NTM: variants seen among roughly 807,000 people sequenced by gnomAD.
NTM encodes the protein IgLON family member 2.
NTM carries 13 observed loss-of-function variants against 42.1 expected under a neutral mutation model. That is an observed-to-expected ratio of 0.31 (90% CI 0.20 to 0.49). NTM has a LOEUF of 0.49. Ranked by LOEUF, NTM falls within the 20% of genes least tolerant of loss-of-function variation. NTM has a pLI of 0.99. For missense variants in NTM, 373 were observed against 452.8 expected, an observed-to-expected ratio of 0.82 and a Z score of 1.60; for synonymous variants, 187 against 179.2, an observed-to-expected ratio of 1.04 and a Z score of -0.35.
chr11:131,879,240 G>C (rs1239520196), intron 1 of NTM, among the ~76,000 whole-genome samples: 2 of 152,258 alleles, frequency 1.3e-5, no homozygotes, highest in African/African-American at 2.4e-5. Context: ...GCCCATCCCA[G>C]GGGTGCATCT....
chr11:131,707,027 A>G (rs920329333), intron 1 of NTM, among the ~76,000 whole-genome samples: 2 of 151,992 alleles, frequency 1.3e-5, no homozygotes, highest in Admixed American at 1.3e-4. Flanking sequence ...ACTTCAAAAT[A>G]TACATTATTA....
At chr11:131,484,890 A>G (rs1444046808) in intron 1 of NTM, among the ~76,000 whole-genome samples, 1 of 152,254 alleles carries the variant, frequency 6.6e-6, no homozygotes, top group Non-Finnish European at 1.5e-5. Context: ...CAGAAATGGA[A>G]CATAAGCATT....
At chr11:131,795,566 C>T in intron 1 of NTM, 1 of 985,446 alleles carries the variant, frequency 1.0e-6, no homozygotes, top group Non-Finnish European at 1.2e-6. Flanking sequence ...ATGATGTTTG[C>T]ATAACGGGAG....
chr11:131,710,991 C>A (rs1222504061), intron 1 of NTM, among the ~76,000 whole-genome samples: 2 of 152,154 alleles, frequency 1.3e-5, no homozygotes, highest in African/African-American at 4.8e-5. Context: ...CTCCTTTTTA[C>A]CCCCTTCTTC....
intron 2 of NTM, among the ~76,000 whole-genome samples, chr11:132,050,385 G>A (rs1487472528): frequency 6.6e-6 from 1 of 152,148 alleles, no homozygotes; most frequent in Admixed American, 6.6e-5. Context: ...CCCCTACGAG[G>A]ATTTTCTTGC....
intron 1 of NTM, among the ~76,000 whole-genome samples, chr11:131,482,362 C>T (rs1953697186): frequency 6.6e-6 from 1 of 152,226 alleles, no homozygotes. Flanking sequence ...CTGAGCCCTG[C>T]TGATGAGAGC....
intron 4 of NTM, among the ~76,000 whole-genome samples, chr11:132,287,093 T>C (rs1165965503): frequency 2.6e-5 from 4 of 152,220 alleles, no homozygotes. Context: ...AGGCTGTCGA[T>C]GGCAGAGAAT....
chr11:132,092,291 T>G (rs1479854036), intron 2 of NTM, among the ~76,000 whole-genome samples: 1 of 152,234 alleles, frequency 6.6e-6, no homozygotes. Context: ...TTGTTGTCGC[T>G]TCTTTTTCAT....
chr11:132,276,672 C>T (rs1394036965), intron 4 of NTM, among the ~76,000 whole-genome samples: 1 of 152,114 alleles, frequency 6.6e-6, no homozygotes, highest in African/African-American at 2.4e-5. Context: ...AATGGGATTC[C>T]TTAGACAGCA....
intron 1 of NTM, among the ~76,000 whole-genome samples, chr11:131,874,930 T>G (rs1475357215): frequency 6.6e-6 from 1 of 152,316 alleles, no homozygotes; most frequent in Admixed American, 6.5e-5. Context: ...TAACTAACTA[T>G]GTAAAGAACA....
At chr11:131,813,577 T>C (rs2092826447) in intron 1 of NTM, among the ~76,000 whole-genome samples, 1 of 152,154 alleles carries the variant, frequency 6.6e-6, no homozygotes, top group Admixed American at 6.6e-5. Flanking sequence ...GGTTAAGACT[T>C]TTCCATAGGT....
At chr11:132,046,765 G>A (rs1490679406) in intron 2 of NTM, among the ~76,000 whole-genome samples, 2 of 152,154 alleles carry the variant, frequency 1.3e-5, no homozygotes, top group East Asian at 1.9e-4. Flanking sequence ...TTTGTGGTGA[G>A]GAACAGAGAT....
chr11:132,314,670 C>T lies in NTM; in HGVS notation c.901C>T (p.Leu301=). The part of the protein sequence containing the change: ...GNYTCVASNK[L]GHTNASIMLF... ...CTACACTTGCGTGGCCTCCAACAAGCTGGGCCACACCAATGCCAGCATCAT... is the reference window on the plus strand; with the variant it reads ...CTACACTTGCGTGGCCTCCAACAAGTTGGGCCACACCAATGCCAGCATCAT... Residue 301 remains leucine (L), a synonymous_variant, in exon 7 of 9, where the codon CTG becomes TTG. Coordinates refer to ENST00000683400, the MANE Select transcript of NTM (RefSeq NM_001352005.2). 3 of 1,613,714 alleles carry T rather than the reference C, an allele frequency of 1.9e-6. No homozygotes were observed. The highest frequency in any genetic ancestry group is 1.3e-5 in the African/African-American group (1 of 75,038).
intron 1 of NTM, chr11:131,605,803 G>C: frequency 3.0e-6 from 3 of 985,130 alleles, no homozygotes; most frequent in Non-Finnish European, 3.6e-6. Flanking sequence ...AGCTTCAACA[G>C]TTCCTTGGTA....
At chr11:132,140,988 C>T (rs1308453210) in intron 2 of NTM, 2 of 152,212 alleles carry the variant, frequency 1.3e-5, no homozygotes. Flanking sequence ...GCCTTTCAGA[C>T]ACAGTTAAAG....
chr11:131,857,438 C>A (rs1251022742), intron 1 of NTM, among the ~76,000 whole-genome samples: 1 of 152,152 alleles, frequency 6.6e-6, no homozygotes, highest in Non-Finnish European at 1.5e-5. Flanking sequence ...ATTCAGTGGC[C>A]CTCAATGAGT....
At chr11:131,873,599 CATAT>C (rs567322783) in intron 1 of NTM, among the ~76,000 whole-genome samples, 1 of 100,628 alleles carries the variant, frequency 9.9e-6, no homozygotes, top group African/African-American at 4.0e-5. Flanking sequence ...TATATATATA[CATAT>C]ATATATACCG....
chr11:131,605,952 C>G, intron 1 of NTM: 1 of 890,026 alleles, frequency 1.1e-6, no homozygotes, highest in South Asian at 5.2e-5. Flanking sequence ...TGTAAATATT[C>G]TTTCACTATT....
chr11:132,272,993 A>G (rs1454854578), intron 4 of NTM, among the ~76,000 whole-genome samples: 3 of 152,016 alleles, frequency 2.0e-5, no homozygotes, highest in Non-Finnish European at 4.4e-5. Context: ...TGTTAGCTTT[A>G]TGATTTTTGT....
Sources: gnomAD v4.1 joint callset for allele counts (sites outside exome capture counted in the v4.1 genomes callset) on GRCh38, gnomAD v4.1.1 for gene constraint, MANE v1.5 for transcripts, NCBI Gene and HGNC (gene_info 2026-07-23, HGNC 2026-07-21) for gene names.